The following CHGA variants were observed in gnomAD, a reference collection of about 807,000 sequenced individuals.
CHGA encodes chromogranin A, also known as chromogranin-A.
In CHGA, 41 loss-of-function variants were observed where a neutral mutation model predicts 54.4. The observed-to-expected ratio is 0.75, with a 90% CI of 0.59 to 0.98. CHGA has a LOEUF of 0.98. Ranked by LOEUF, CHGA falls within the 50% of genes least tolerant of loss-of-function variation. CHGA has a pLI of 0.00. For synonymous variants in CHGA, 249 were observed against 232.8 expected (o/e 1.07, Z -0.63); for missense variants, 576 against 582.3 (o/e 0.99, Z 0.11).
At position 92,923,395 on chromosome 14, in the gene CHGA, C is replaced by T; in HGVS notation, c.36C>T (p.Cys12=). 7.9e-7 allele frequency: 1 copy of T among 1,269,796 alleles called. No homozygotes were observed. Among genetic ancestry groups the T allele is most frequent in the Non-Finnish European group, 9.9e-7 (1 of 1,010,220 alleles). 78.7% of individuals were successfully genotyped at this position (1,269,796 alleles called of 1,614,324 possible). ...CCGCTGTCCTGGCTCTTCTGCTCTG[C>T]GCCGGGCAAGGTGAGCGAGCGCGGG... ...RSAAVLALLL[C]AGQVTALPVN... is the part of the protein sequence containing the mutation. The change falls in exon 1 of 8, where the codon TGC becomes TGT. Residue 12 remains cysteine (C), a synonymous_variant. Coordinates refer to ENST00000216492, the MANE Select transcript of CHGA (RefSeq NM_001275.4).
At chr14:92,923,075 A>AGG (rs1252380158), upstream of CHGA, 1 of 277,916 alleles carries the variant, frequency 3.6e-6, no homozygotes. Flanking sequence ...GAGTGGGGAA[A>AGG]GGGGAAGGGG....
chr14:92,923,086 G>C, upstream of CHGA: 1 of 291,830 alleles, frequency 3.4e-6, no homozygotes, highest in Non-Finnish European at 6.3e-6. Flanking sequence ...GGGGAAGGGG[G>C]CGGCACCGCT....
At chr14:92,933,086 G>A in intron 7 of CHGA, 2 of 528,152 alleles carry the variant, frequency 3.8e-6, no homozygotes, top group East Asian at 6.3e-5. Flanking sequence ...TGTGGCAGCG[G>A]GGGAGGCGCT....
chr14:92,934,840 C>T lies in CHGA; in HGVS notation c.1330C>T (p.Leu444=), dbSNP rs1292233768. The T allele has an allele frequency of 4.4e-6, 7 of 1,586,570 alleles. No individual in the cohort carries two copies. The highest frequency in any genetic ancestry group is 6.0e-6 in the Non-Finnish European group (7 of 1,167,906). Residue 444 remains leucine (L), a synonymous_variant, in exon 8 of 8, where the codon CTG becomes TTG. Transcript: ENST00000216492. ...GAGCCTGTCGGCCATTGAAGCAGAG[C>T]TGGAGAAAGTGGCCCACCAGCTGCA... ...LESLSAIEAE[L]EKVAHQLQAL...
Position 92,926,634 on chromosome 14 carries a change from C to T in CHGA, c.123C>T (p.Ser41=), listed in dbSNP as rs769428586. ...EVMKCIVEVI[S]DTLSKPSPMP... ...TGAAATGCATCGTTGAGGTCATCTC[C>T]GACACACTTTCCAAGCCCAGCCCCA... is the stretch of plus-strand genomic sequence containing the variant. Residue 41 remains serine (S), a synonymous_variant, in exon 3 of 8, where the codon TCC becomes TCT. Coordinates refer to ENST00000216492, the MANE Select transcript of CHGA (RefSeq NM_001275.4). The T allele has an allele frequency of 2.7e-5, 43 of 1,613,844 alleles. No individual in the cohort carries two copies. Among genetic ancestry groups the T allele is most frequent in the South Asian group, 6.6e-5 (6 of 91,082 alleles).
upstream of CHGA, among the ~76,000 whole-genome samples, chr14:92,922,896 G>T (rs1469217816): frequency 6.6e-6 from 1 of 152,216 alleles, no homozygotes; most frequent in Non-Finnish European, 1.5e-5. Context: ...GCAAATCGGT[G>T]GAATCGTCGA....
chr14:92,923,474 C>T, intron 1 of CHGA, 69 bp downstream of exon 1: 10 of 1,202,750 alleles, frequency 8.3e-6, no homozygotes, highest in Middle Eastern at 3.2e-4. Context: ...GTCCGGGCAC[C>T]GCGCGGCGCC....
Position 92,932,590 on chromosome 14 carries a change from C to A in CHGA, c.1029C>A (p.Ser343Arg). The change falls in exon 7 of 8, where the codon AGC becomes AGA. Residue 343 changes from serine (S) to arginine (R), a missense_variant. Physicochemically the swap from Ser to Arg is moderately radical, Grantham distance 110. Transcript: ENST00000216492. The surrounding 1 kb of genome is among the most constrained non-coding windows in gnomAD (Gnocchi z 5.3). Reference protein sequence around the residue: ...SKEWEDSKRWSKMDQLAKELT... With the variant: ...SKEWEDSKRWRKMDQLAKELT... ...AGTGGGAGGACTCCAAACGCTGGAGCAAGATGGACCAGCTGGCCAAGGAGC... is the reference window on the plus strand; with the variant it reads ...AGTGGGAGGACTCCAAACGCTGGAGAAAGATGGACCAGCTGGCCAAGGAGC... 6.4e-7 allele frequency: 1 copy of A among 1,570,052 alleles called. No individual in the cohort carries two copies. The highest frequency in any genetic ancestry group is 8.6e-7 in the Non-Finnish European group (1 of 1,157,828).
intron 2 of CHGA, among the ~76,000 whole-genome samples, chr14:92,924,641 GCT>G (rs1397375741): frequency 6.6e-6 from 1 of 152,190 alleles, no homozygotes; most frequent in Admixed American, 6.5e-5. Context: ...TCCCCGCTTT[GCT>G]CTTTCTCCCT....
At chr14:92,930,115 T>C (rs1468602538) in intron 5 of CHGA, among the ~76,000 whole-genome samples, 1 of 152,152 alleles carries the variant, frequency 6.6e-6, no homozygotes, top group African/African-American at 2.4e-5. Context: ...GGTGGACAGC[T>C]TCAACTCTGG....
In CHGA at chr14:92,923,303, G is replaced by T; in HGVS notation, c.-57G>T. 1 of 1,287,534 alleles carries T rather than the reference G, an allele frequency of 7.8e-7. No homozygotes were observed. Among genetic ancestry groups the T allele is most frequent in the Admixed American group, 3.9e-5 (1 of 25,622 alleles). The allele number at this position is 1,287,534 out of a possible 1,614,324, so 79.8% of individuals were successfully genotyped here. A position where few individuals can be genotyped will look rare whatever the true frequency, so the allele number is the denominator to read the frequency against. On this transcript the variant is annotated 5_prime_UTR_variant, in exon 1 of 8. Transcript: ENST00000216492. ...CCGGCCGCCAGTCCAGCCGCCCCTC[G>T]CCCGGTGCCTAGGTGCCCGGCCCCA...
In CHGA at chr14:92,935,117, T is replaced by G; in HGVS notation, c.*233T>G. The stretch of plus-strand genomic sequence containing the variant: ...GCCCCACAACTTTAAACATTGACGA[T>G]TCCTTCTCTGAACACAGGCAGCTTT... On this transcript the variant is annotated 3_prime_UTR_variant, in exon 8 of 8. Coordinates refer to ENST00000216492, the MANE Select transcript of CHGA (RefSeq NM_001275.4). The G allele has an allele frequency of 4.0e-6, 2 of 494,946 alleles. No homozygotes were observed. The highest frequency in any genetic ancestry group is 3.5e-6 in the Non-Finnish European group (1 of 284,478). 30.7% of individuals were successfully genotyped at this position (494,946 alleles called of 1,614,324 possible).
intron 5 of CHGA, among the ~76,000 whole-genome samples, chr14:92,930,065 A>T (rs1886965012): frequency 6.6e-6 from 1 of 152,154 alleles, no homozygotes; most frequent in Admixed American, 6.5e-5. Flanking sequence ...TGCCCAGAAG[A>T]GGGGCTGGCA....
At chr14:92,929,840 A>G in intron 5 of CHGA, 25 bp downstream of exon 5, 1 of 1,599,080 alleles carries the variant, frequency 6.3e-7, no homozygotes, top group Non-Finnish European at 8.5e-7. Context: ...GTCTGGCCGG[A>G]GGTGGGGAAG....
chr14:92,928,295 G>A (rs1257345286), intron 4 of CHGA, among the ~76,000 whole-genome samples: 1 of 152,240 alleles, frequency 6.6e-6, no homozygotes, highest in Non-Finnish European at 1.5e-5. Flanking sequence ...TCTGGCTTCA[G>A]GATGGGCCCC....
At position 92,931,078 on chromosome 14, in the gene CHGA, C is replaced by T. The variant is rs544854907; in HGVS notation, c.356-172C>T. ...ATTAAAAAGAAAGAAACAAATCCAGCTGTGCTCAGATCAAGCCTGGACATG... is the reference window on the plus strand; with the variant it reads ...ATTAAAAAGAAAGAAACAAATCCAGTTGTGCTCAGATCAAGCCTGGACATG... On this transcript the variant is annotated intron_variant, in intron 5 of 7. Coordinates refer to ENST00000216492, the MANE Select transcript of CHGA (RefSeq NM_001275.4). 2.6e-5 allele frequency among the ~76,000 whole-genome samples: 4 copies of T among 152,370 alleles called. No individual in the cohort carries two copies. In the East Asian group the frequency reaches 7.7e-4, roughly 29 times the overall value.
intron 7 of CHGA, 84 bp from the exon 8 acceptor site, chr14:92,934,717 A>C: frequency 4.9e-6 from 5 of 1,025,062 alleles, no homozygotes; most frequent in Non-Finnish European, 7.4e-6. Context: ...GAGGCCACAC[A>C]GCTAACCCAG....
Position 92,931,710 on chromosome 14 carries a change from T to C in CHGA, c.808+8T>C. The C allele has an allele frequency of 6.4e-7, 1 of 1,552,302 alleles. No homozygotes were observed. Among genetic ancestry groups the C allele is most frequent in the African/African-American group, 1.4e-5 (1 of 73,572 alleles). The stretch of plus-strand genomic sequence containing the variant: ...AGATCCGGAAAGGCGAGAGTACGTA[T>C]GATGGCGAAGACCTCAACGAACGTG... On this transcript the variant is annotated splice_region_variant and intron_variant, in intron 6 of 7. Transcript: ENST00000216492.
At chr14:92,933,806 TGGAGA>T (rs1454706800) in intron 7 of CHGA, among the ~76,000 whole-genome samples, 1 of 152,140 alleles carries the variant, frequency 6.6e-6, no homozygotes, top group East Asian at 1.9e-4. Flanking sequence ...AGGACAAAGC[TGGAGA>T]GAATGGGGGC....
Sources: gnomAD v4.1 joint callset for allele counts (sites outside exome capture counted in the v4.1 genomes callset) on GRCh38, gnomAD v4.1.1 for gene constraint, Gnocchi (gnomAD v3.1) non-coding constraint, MANE v1.5 for transcripts, NCBI Gene and HGNC (gene_info 2026-07-23, HGNC 2026-07-21) for gene names.